GLS: variants seen among roughly 807,000 people sequenced by gnomAD.
GLS encodes the protein glutaminase kidney isoform, mitochondrial.
Under a neutral mutation model 86.7 loss-of-function variants are expected in GLS, and 36 were observed. The ratio of observed to expected loss-of-function variants is 0.42; its 90% CI spans 0.32 to 0.55. The LOEUF is 0.55. Ranked by LOEUF, GLS falls within the 20% of genes least tolerant of loss-of-function variation. GLS has a pLI of 0.17. For missense variants in GLS, 528 were observed against 833.4 expected (o/e 0.63, Z 4.51); for synonymous variants, 317 against 305.9 (o/e 1.04, Z -0.38).
chr2:190,892,773 T>C (rs1191696707), intron 1 of GLS, among the ~76,000 whole-genome samples: 1 of 152,180 alleles, frequency 6.6e-6, no homozygotes, highest in African/African-American at 2.4e-5. Context: ...AATTTCTTTT[T>C]ATCAGTTTTG....
chr2:190,890,055 G>A (rs531773692), intron 1 of GLS, among the ~76,000 whole-genome samples: 2 of 152,112 alleles, frequency 1.3e-5, no homozygotes, highest in South Asian at 4.2e-4. Context: ...TCTGGAACTG[G>A]GAACAAAGGA....
At position 190,895,082 on chromosome 2, in the gene GLS, A is replaced by G. The variant is rs184656275; in HGVS notation, c.387-70A>G. ...AGTCTAGTTTAGTGGTTATTTAACA[A>G]TGGATTTAGTTAAAAATCCAGTAGA... On this transcript the variant is annotated intron_variant, in intron 1 of 17. Transcript: ENST00000320717. The surrounding 1 kb of genome is among the most constrained non-coding windows in gnomAD (Gnocchi z 4.2). 2.5e-5 allele frequency: 18 copies of G among 712,234 alleles called. No individual in the cohort carries two copies. Among genetic ancestry groups the G allele is most frequent in the African/African-American group, 2.3e-4 (13 of 56,918 alleles). 44.1% of individuals were successfully genotyped at this position (712,234 alleles called of 1,614,324 possible). A position where few individuals can be genotyped will look rare whatever the true frequency, so the allele number is the denominator to read the frequency against.
rs548155359 is a variant in GLS at position 190,913,771 on chromosome 2, T to A, written c.1038+3450T>A. 32 of 973,936 alleles carry A rather than the reference T, an allele frequency of 3.3e-5. No individual in the cohort carries two copies. The highest frequency in any genetic ancestry group is 1.1e-4 in the East Asian group (1 of 8,778). The allele number at this position is 973,936 out of a possible 1,614,324, so 60.3% of individuals were successfully genotyped here. On this transcript the variant is annotated intron_variant, in intron 7 of 17. Coordinates refer to ENST00000320717, the MANE Select transcript of GLS (RefSeq NM_014905.5). This position sits in a 1 kb window ranked among gnomAD's most constrained non-coding sequence, Gnocchi z 6.1. Reference sequence around the variant, plus strand: ...ATGTTAGAAATAGTAAAAGTTACACTGTCTTCTATGTTTTTACCTCTCAGA... The same window carrying A: ...ATGTTAGAAATAGTAAAAGTTACACAGTCTTCTATGTTTTTACCTCTCAGA...
rs892350064 is a variant in GLS, at chr2:190,905,388, T to C, written c.979+221T>C. The C allele has an allele frequency of 9.5e-6, 4 of 421,012 alleles. No individual in the cohort carries two copies. The highest frequency in any genetic ancestry group is 8.1e-5 in the African/African-American group (4 of 49,222). The allele number at this position is 421,012 out of a possible 1,614,324, so 26.1% of individuals were successfully genotyped here. A position where few individuals can be genotyped will look rare whatever the true frequency, so the allele number is the denominator to read the frequency against. On this transcript the variant is annotated intron_variant, in intron 6 of 17. Transcript: ENST00000320717. The surrounding 1 kb of genome is among the most constrained non-coding windows in gnomAD (Gnocchi z 4.6). ...GGGAGAACATGAACTTCTCTCTTCA[T>C]AACCACCTTTAGGGAAATATAGCGA...
intron 1 of GLS, among the ~76,000 whole-genome samples, chr2:190,886,164 C>T (rs1173991228): frequency 1.3e-5 from 2 of 152,174 alleles, no homozygotes; most frequent in African/African-American, 4.8e-5. Flanking sequence ...AGCCACTGCA[C>T]CCAGCCCAGT....
chr2:190,942,641 A>G (rs543250992), intron 14 of GLS, among the ~76,000 whole-genome samples: 4 of 152,334 alleles, frequency 2.6e-5, no homozygotes, highest in African/African-American at 9.6e-5. Context: ...AACAGGGCCA[A>G]AGCTGCTGCA....
chr2:190,889,117 A>G (rs964124264), intron 1 of GLS, among the ~76,000 whole-genome samples: 4 of 152,218 alleles, frequency 2.6e-5, no homozygotes, highest in African/African-American at 4.8e-5. Flanking sequence ...GCTTGGAAGT[A>G]ACTTTAAAGA....
At chr2:190,941,767 G>C (rs946485168) in intron 14 of GLS, among the ~76,000 whole-genome samples, 1 of 152,130 alleles carries the variant, frequency 6.6e-6, no homozygotes, top group South Asian at 2.1e-4. Context: ...AGTGAGGTGA[G>C]GTGGATGGAG....
chr2:190,902,447 G>A (rs1288877708), intron 5 of GLS, among the ~76,000 whole-genome samples: 1 of 152,174 alleles, frequency 6.6e-6, no homozygotes, highest in East Asian at 1.9e-4. Flanking sequence ...AATTAAGACA[G>A]TGCAACATAA....
chr2:190,902,888 A>T (rs1688995796), intron 5 of GLS, among the ~76,000 whole-genome samples: 1 of 152,180 alleles, frequency 6.6e-6, no homozygotes, highest in African/African-American at 2.4e-5. Context: ...AATAGAACTT[A>T]CATAAGATGT....
chr2:190,937,111 T>C (rs1173030643), intron 14 of GLS, among the ~76,000 whole-genome samples: 1 of 151,434 alleles, frequency 6.6e-6, no homozygotes, highest in Non-Finnish European at 1.5e-5. Flanking sequence ...GAATGGACTT[T>C]ACCTTACTCG....
chr2:190,959,627 TG>T (rs1447260478), intron 17 of GLS, among the ~76,000 whole-genome samples: 4 of 152,168 alleles, frequency 2.6e-5, no homozygotes, highest in African/African-American at 9.7e-5. Flanking sequence ...AACTTTAAGA[TG>T]ATAATTAACA....
intron 7 of GLS, among the ~76,000 whole-genome samples, chr2:190,917,276 C>G (rs1192948216): frequency 6.6e-6 from 1 of 152,186 alleles, no homozygotes; most frequent in Non-Finnish European, 1.5e-5. Context: ...TCTCAAGAAA[C>G]CACTTTCTTA....
chr2:190,881,718 G>C (rs1022869072), intron 1 of GLS: 2 of 450,472 alleles, frequency 4.4e-6, no homozygotes, highest in African/African-American at 4.2e-5. Context: ...CCCTGGTGGG[G>C]CCGCGGTGGG....
rs1016983758 is a variant in GLS, at chr2:190,905,478, T to C, written c.979+311T>C. On this transcript the variant is annotated intron_variant, in intron 6 of 17. Coordinates refer to ENST00000320717, the MANE Select transcript of GLS (RefSeq NM_014905.5). This position sits in a 1 kb window ranked among gnomAD's most constrained non-coding sequence, Gnocchi z 4.6. ...TTAAGGCAGCTGGGAGTGCTGGGTA[T>C]GATTATTACTATATGTTGGTAATTA... 2.0e-5 allele frequency among the ~76,000 whole-genome samples: 3 copies of C among 152,092 alleles called. No individual in the cohort carries two copies. Among genetic ancestry groups the C allele is most frequent in the Non-Finnish European group, 2.9e-5 (2 of 67,940 alleles).
intron 14 of GLS, among the ~76,000 whole-genome samples, chr2:190,942,816 A>T (rs1690477973): frequency 2.0e-5 from 3 of 152,112 alleles, no homozygotes; most frequent in African/African-American, 7.2e-5. Context: ...ATATAACAGA[A>T]AGTCTCAGGG....
Position 190,920,862 on chromosome 2 carries a change from A to G in GLS, c.1039-162A>G, listed in dbSNP as rs1689707565. ...ACATATGGGTATTAAATAACATGAA[A>G]AAAAGTTTATATAAATGTTAAATTA... is the stretch of plus-strand genomic sequence containing the variant. On this transcript the variant is annotated intron_variant, in intron 7 of 17. Coordinates refer to ENST00000320717, the MANE Select transcript of GLS (RefSeq NM_014905.5). This position sits in a 1 kb window ranked among gnomAD's most constrained non-coding sequence, Gnocchi z 4.2. The G allele has an allele frequency of 7.5e-6, 4 of 534,586 alleles. No individual in the cohort carries two copies. The highest frequency in any genetic ancestry group is 1.0e-5 in the Non-Finnish European group (3 of 297,606). 33.1% of individuals were successfully genotyped at this position (534,586 alleles called of 1,614,324 possible). A position where few individuals can be genotyped will look rare whatever the true frequency, so the allele number is the denominator to read the frequency against.
At chr2:190,884,993 C>T (rs796706484) in intron 1 of GLS, among the ~76,000 whole-genome samples, 18 of 152,144 alleles carry the variant, frequency 1.2e-4, no homozygotes, top group African/African-American at 4.1e-4. Flanking sequence ...TACATGAAGT[C>T]GTGGCATTCA....
rs540956037 is a variant in GLS at position 190,956,232 on chromosome 2, T to C, written c.1853+1414T>C. On this transcript the variant is annotated intron_variant, in intron 17 of 17. Coordinates refer to ENST00000320717, the MANE Select transcript of GLS (RefSeq NM_014905.5). The surrounding 1 kb of genome is among the most constrained non-coding windows in gnomAD (Gnocchi z 4.2). ...CCTGAATGGTATTGCCTAGGTTTTC[T>C]TCTAGGGTTTTTATGGTTTTAGGTC... Among the ~76,000 whole-genome samples, 464 of 152,360 alleles carry C rather than the reference T, an allele frequency of 3.0e-3. 8 individuals carry two copies. The highest frequency in any genetic ancestry group is 0.01 in the African/African-American group (432 of 41,568).
Sources: allele counts gnomAD v4.1 joint callset (sites outside exome capture counted in the v4.1 genomes callset), GRCh38; gene constraint gnomAD v4.1.1; non-coding constraint Gnocchi (gnomAD v3.1); transcripts MANE v1.5; gene names NCBI Gene and HGNC (gene_info 2026-07-23, HGNC 2026-07-21).